The following PPP1R9A variants were observed in gnomAD, a reference collection of about 807,000 sequenced individuals.
The protein encoded by PPP1R9A is neurabin-1.
A neutral mutation model predicts 141.9 loss-of-function variants in PPP1R9A; 59 were observed. That is an observed-to-expected ratio of 0.42 (90% CI 0.34 to 0.52). The LOEUF (loss-of-function observed/expected upper bound fraction) is 0.52, where lower values mean the gene tolerates loss of function less well. Ranked by LOEUF, PPP1R9A falls within the 20% of genes least tolerant of loss-of-function variation. PPP1R9A has a pLI of 0.10. For synonymous variants in PPP1R9A, 500 were observed against 569.7 expected (o/e 0.88, Z 1.74); for missense variants, 1,444 against 1,611.9 (o/e 0.90, Z 1.78).
intron 4 of PPP1R9A, among the ~76,000 whole-genome samples, chr7:95,153,977 G>C (rs1375414505): frequency 6.6e-6 from 1 of 151,988 alleles, no homozygotes; most frequent in Non-Finnish European, 1.5e-5. Flanking sequence ...TGTAGTATTA[G>C]TTGTAATGTC....
chr7:95,118,421 G>A (rs1442184517), intron 3 of PPP1R9A, among the ~76,000 whole-genome samples: 1 of 152,144 alleles, frequency 6.6e-6, no homozygotes, highest in African/African-American at 2.4e-5. Context: ...TCACACTAAA[G>A]AGACACCTAT....
At chr7:95,082,165 A>G (rs868692278) in intron 2 of PPP1R9A, among the ~76,000 whole-genome samples, 3 of 152,190 alleles carry the variant, frequency 2.0e-5, no homozygotes, top group South Asian at 2.1e-4. Flanking sequence ...TACTTGCTTT[A>G]CGTTTCTGCT....
intron 5 of PPP1R9A, among the ~76,000 whole-genome samples, chr7:95,170,415 A>T (rs930964135): frequency 2.0e-5 from 3 of 151,656 alleles, no homozygotes; most frequent in African/African-American, 7.2e-5. Context: ...AAGGAATATG[A>T]TGAAAACTAC....
At chr7:94,907,873 G>GCCGC (rs1419624370) in intron 1 of PPP1R9A, 171 bp downstream of exon 1, 3 of 148,838 alleles carry the variant, frequency 2.0e-5, no homozygotes, top group Admixed American at 2.0e-4. Flanking sequence ...TGCTCGGGCC[G>GCCGC]CCGCCCGCCC....
chr7:95,196,391 T>C (rs932241234), intron 5 of PPP1R9A, among the ~76,000 whole-genome samples: 3 of 152,176 alleles, frequency 2.0e-5, no homozygotes, highest in African/African-American at 7.2e-5. Flanking sequence ...GAAATGATAC[T>C]ATTACTTCGA....
At chr7:95,004,893 T>G (rs758062558) in intron 2 of PPP1R9A, among the ~76,000 whole-genome samples, 10 of 152,198 alleles carry the variant, frequency 6.6e-5, no homozygotes, top group Admixed American at 1.3e-4. Flanking sequence ...CAGACTACAG[T>G]CCATATCTTA....
At chr7:95,242,666 G>T (rs1797617273) in intron 8 of PPP1R9A, among the ~76,000 whole-genome samples, 1 of 152,148 alleles carries the variant, frequency 6.6e-6, no homozygotes, top group Non-Finnish European at 1.5e-5. Flanking sequence ...ATAGGAATGT[G>T]TATGTTTATT....
At chr7:95,208,233 T>C (rs1241359422) in intron 7 of PPP1R9A, among the ~76,000 whole-genome samples, 1 of 152,172 alleles carries the variant, frequency 6.6e-6, no homozygotes, top group Non-Finnish European at 1.5e-5. Context: ...AGAAACCTGA[T>C]TTATGACATA....
chr7:94,984,433 A>G (rs1006249215), intron 2 of PPP1R9A, among the ~76,000 whole-genome samples: 2 of 152,140 alleles, frequency 1.3e-5, no homozygotes, highest in East Asian at 1.9e-4. Flanking sequence ...TACCTCTGAT[A>G]GAATTTGGCT....
intron 2 of PPP1R9A, among the ~76,000 whole-genome samples, chr7:95,095,115 C>T (rs901655953): frequency 1.3e-5 from 2 of 152,228 alleles, no homozygotes; most frequent in Non-Finnish European, 2.9e-5. Flanking sequence ...AGTCACCTAA[C>T]TGGTCCAGAA....
intron 2 of PPP1R9A, among the ~76,000 whole-genome samples, chr7:94,972,848 G>C (rs558664660): frequency 3.6e-4 from 55 of 152,280 alleles, no homozygotes; most frequent in Non-Finnish European, 5.7e-4. Context: ...CTGATGGGGA[G>C]ACTGGATCTT....
Position 95,226,639 on chromosome 7 carries a change from C to T in PPP1R9A, c.2112+523C>T, listed in dbSNP as rs888143969. On this transcript the variant is annotated intron_variant, in intron 8 of 19. Transcript: ENST00000433360. ...AGGAGGCTGTTACCATCAACATCTG[C>T]AGCTTTATAAGATGCACAGCCACTG... Among the ~76,000 whole-genome samples the T allele has an allele frequency of 5.9e-5, 9 of 152,272 alleles. No individual in the cohort carries two copies. In the East Asian group the frequency reaches 1.7e-3, roughly 29 times the overall value.
At chr7:95,145,190 G>A (rs1222480445) in intron 4 of PPP1R9A, among the ~76,000 whole-genome samples, 1 of 152,164 alleles carries the variant, frequency 6.6e-6, no homozygotes, top group African/African-American at 2.4e-5. Context: ...AACATTTCAA[G>A]TATTCAGGGA....
intron 5 of PPP1R9A, among the ~76,000 whole-genome samples, chr7:95,193,559 A>G (rs1438019536): frequency 1.3e-5 from 2 of 152,036 alleles, no homozygotes; most frequent in Admixed American, 1.3e-4. Context: ...AAATGCATTT[A>G]TTCTTTTTAA....
chr7:95,073,663 C>T (rs1814357875), intron 2 of PPP1R9A, among the ~76,000 whole-genome samples: 2 of 133,686 alleles, frequency 1.5e-5, no homozygotes, highest in South Asian at 2.3e-4. Context: ...GCTCACACAC[C>T]AGAAGAACTA....
chr7:95,213,414 G>C (rs1018784300), intron 7 of PPP1R9A, among the ~76,000 whole-genome samples: 1 of 140,678 alleles, frequency 7.1e-6, no homozygotes, highest in East Asian at 2.2e-4. Context: ...TCTGCCTTAC[G>C]GGTTCAAGCG....
intron 12 of PPP1R9A, among the ~76,000 whole-genome samples, chr7:95,258,660 T>G (rs560907369): frequency 6.6e-6 from 1 of 152,104 alleles, no homozygotes; most frequent in South Asian, 2.1e-4. Flanking sequence ...CTCACATAAA[T>G]CATAAGAAAA....
At chr7:94,940,209 T>C (rs1423410439) in intron 2 of PPP1R9A, among the ~76,000 whole-genome samples, 1 of 152,106 alleles carries the variant, frequency 6.6e-6, no homozygotes, top group Non-Finnish European at 1.5e-5. Context: ...TTGAGGAGGC[T>C]GCTGTTACTA....
chr7:95,285,978 G>A (rs1425484706), intron 17 of PPP1R9A, among the ~76,000 whole-genome samples: 1 of 152,144 alleles, frequency 6.6e-6, no homozygotes, highest in Non-Finnish European at 1.5e-5. Context: ...TTGAAGAATT[G>A]TCTCTCTAAA....
Sources: gnomAD v4.1 joint callset for allele counts (sites outside exome capture counted in the v4.1 genomes callset) on GRCh38, gnomAD v4.1.1 for gene constraint, MANE v1.5 for transcripts, NCBI Gene and HGNC (gene_info 2026-07-23, HGNC 2026-07-21) for gene names.